Variants in NRP1 observed in about 807,000 individuals in gnomAD.
NRP1 encodes neuropilin 1.
Under a neutral mutation model 106.7 loss-of-function variants are expected in NRP1, and 35 were observed. The ratio of observed to expected loss-of-function variants is 0.33; its 90% CI spans 0.25 to 0.43. The LOEUF is 0.43. NRP1 is among the 20% of genes least tolerant of loss of function. The pLI is 1.00. For missense variants in NRP1, 1,024 were observed against 1,170.4 expected (o/e 0.87, Z 1.83); for synonymous variants, 437 against 417.9 (o/e 1.05, Z -0.56).
At chr10:33,230,382 G>C (rs1840014363) in intron 6 of NRP1, among the ~76,000 whole-genome samples, 1 of 152,164 alleles carries the variant, frequency 6.6e-6, no homozygotes, top group South Asian at 2.1e-4. Flanking sequence ...TCGAGTTGAA[G>C]GCAATCGAGA....
chr10:33,291,241 T>C (rs1331325), intron 2 of NRP1, among the ~76,000 whole-genome samples: 128,675 of 152,220 alleles, frequency 0.85, 55,172 homozygotes, highest in East Asian at 0.97. Context: ...GCTGATTTGA[T>C]GGTTTTTGTC....
Position 33,179,955 on chromosome 10 carries a change from AG to A in NRP1, c.*120del. The A allele has an allele frequency of 1.0e-6, 1 of 985,266 alleles. No individual in the cohort carries two copies. Among genetic ancestry groups the A allele is most frequent in the East Asian group, 2.4e-5 (1 of 41,644 alleles). The allele number at this position is 985,266 out of a possible 1,614,324, so 61.0% of individuals were successfully genotyped here. On this transcript the variant is annotated 3_prime_UTR_variant, in exon 17 of 17. Coordinates refer to ENST00000374867, the MANE Select transcript of NRP1 (RefSeq NM_003873.7). ...CATACTCATTGAAGCTCCTGAGAAA[AG>A]CCTGGCTCAGTGGTCATCAACACAC...
At chr10:33,198,152 T>TTA (rs1287481063) in intron 11 of NRP1, among the ~76,000 whole-genome samples, 2 of 150,118 alleles carry the variant, frequency 1.3e-5, no homozygotes, top group African/African-American at 2.5e-5. Context: ...AAATTTTTTT[T>TTA]TTTTTTTGAG....
At chr10:33,201,074 C>G (rs1021714494) in intron 11 of NRP1, 1 of 152,210 alleles carries the variant, frequency 6.6e-6, no homozygotes, top group African/African-American at 2.4e-5. Context: ...TTTCTTCTAT[C>G]TACCAAAGAA....
chr10:33,293,750 C>A (rs1479708209), intron 2 of NRP1, among the ~76,000 whole-genome samples: 1 of 152,204 alleles, frequency 6.6e-6, no homozygotes, highest in African/African-American at 2.4e-5. Context: ...TGCATGCACA[C>A]ACACACGTGC....
At chr10:33,210,448 G>T (rs117378084) in intron 9 of NRP1, among the ~76,000 whole-genome samples, 1,738 of 152,200 alleles carry the variant, frequency 0.011, 12 homozygotes, top group Non-Finnish European at 0.018. Context: ...ATTTTAACTT[G>T]AGCAAAGAAT....
At chr10:33,310,148 A>C (rs1472743872) in intron 2 of NRP1, among the ~76,000 whole-genome samples, 2 of 149,066 alleles carry the variant, frequency 1.3e-5, no homozygotes, top group Admixed American at 1.3e-4. Flanking sequence ...ACGGGGTTTC[A>C]CCGTGTTAAC....
At chr10:33,196,826 C>T (rs1026741402) in intron 12 of NRP1, among the ~76,000 whole-genome samples, 11 of 152,168 alleles carry the variant, frequency 7.2e-5, no homozygotes, top group African/African-American at 2.4e-4. Flanking sequence ...ATACACCACA[C>T]GCCCCATTAA....
Position 33,283,355 on chromosome 10 carries a change from ATTT to A in NRP1, c.249-12502_249-12500del, listed in dbSNP as rs374614346. ...AGTACTTGTCCGTTTTCTTTTTTTCATTTTTTGAAATTCTATTAAGTCAGAAGG... is the reference window on the plus strand; with the variant it reads ...AGTACTTGTCCGTTTTCTTTTTTTCATTTGAAATTCTATTAAGTCAGAAGG... On this transcript the variant is annotated intron_variant, in intron 2 of 16. Transcript: ENST00000374867. Among the ~76,000 whole-genome samples the A allele has an allele frequency of 2.7e-3, 416 of 152,016 alleles. 4 individuals are homozygous for A. In the South Asian group the frequency reaches 0.029, roughly 11 times the overall value.
In NRP1 at chr10:33,296,515, G is replaced by A. The variant is rs142425570; in HGVS notation, c.249-25659C>T. ...CCTTGCAGGAGGTCTGGATACAGAC[G>A]GGGCCCTGGGGAGGGTTGATCCCCA... On this transcript the variant is annotated intron_variant, in intron 2 of 16. Coordinates refer to ENST00000374867, the MANE Select transcript of NRP1 (RefSeq NM_003873.7). Among the ~76,000 whole-genome samples, 24 of 152,280 alleles carry A rather than the reference G, an allele frequency of 1.6e-4. No homozygotes were observed. The East Asian group carries it at 3.7e-3, about 23-fold the overall frequency.
chr10:33,301,007 G>A (rs1845762578), intron 2 of NRP1, among the ~76,000 whole-genome samples: 1 of 152,128 alleles, frequency 6.6e-6, no homozygotes, highest in African/African-American at 2.4e-5. Context: ...GATTTTTGGG[G>A]TTCATACTGG....
At chr10:33,214,815 G>A (rs1157172731) in intron 8 of NRP1, among the ~76,000 whole-genome samples, 1 of 152,166 alleles carries the variant, frequency 6.6e-6, no homozygotes, top group Non-Finnish European at 1.5e-5. Context: ...TGGGGGAAAT[G>A]GAGATTGGGA....
chr10:33,316,694 A>T (rs1313079005), intron 2 of NRP1, among the ~76,000 whole-genome samples: 1 of 152,228 alleles, frequency 6.6e-6, no homozygotes, highest in Non-Finnish European at 1.5e-5. Flanking sequence ...CAGCACCATG[A>T]GATGCAGGAG....
intron 6 of NRP1, among the ~76,000 whole-genome samples, chr10:33,237,485 G>GTGCACACACA (rs1554788810): frequency 7.7e-6 from 1 of 130,094 alleles, no homozygotes; most frequent in African/African-American, 3.3e-5. Context: ...ACACATGCGC[G>GTGCACACACA]CGCACACACA....
intron 6 of NRP1, among the ~76,000 whole-genome samples, chr10:33,241,910 T>C (rs1300986846): frequency 6.6e-6 from 1 of 152,204 alleles, no homozygotes; most frequent in Non-Finnish European, 1.5e-5. Flanking sequence ...TTATTTTTGA[T>C]ACAAAGATTT....
intron 3 of NRP1, among the ~76,000 whole-genome samples, chr10:33,269,671 G>T (rs893715274): frequency 2.0e-5 from 3 of 152,164 alleles, no homozygotes; most frequent in Non-Finnish European, 4.4e-5. Context: ...GGCGAGCAAA[G>T]TGTTGTCTGT....
intron 16 of NRP1, among the ~76,000 whole-genome samples, chr10:33,181,637 G>C (rs150131504): frequency 5.5e-4 from 84 of 152,302 alleles, no homozygotes; most frequent in African/African-American, 1.9e-3. Context: ...CTGATCAAAG[G>C]TCTTGCATTT....
intron 3 of NRP1, among the ~76,000 whole-genome samples, chr10:33,268,284 T>C (rs893373056): frequency 6.6e-6 from 1 of 152,156 alleles, no homozygotes; most frequent in Non-Finnish European, 1.5e-5. Flanking sequence ...TTGAGGACAG[T>C]GGCTTCCTGC....
chr10:33,225,374 C>T (rs1038648793), intron 7 of NRP1, among the ~76,000 whole-genome samples: 1 of 152,214 alleles, frequency 6.6e-6, no homozygotes, highest in African/African-American at 2.4e-5. Context: ...GATCTTTGCT[C>T]CTATCCTCAT....
Sources: gnomAD v4.1 joint callset for allele counts (sites outside exome capture counted in the v4.1 genomes callset) on GRCh38, gnomAD v4.1.1 for gene constraint, MANE v1.5 for transcripts, NCBI Gene and HGNC (gene_info 2026-07-23, HGNC 2026-07-21) for gene names.